FXR2: variants seen among roughly 807,000 people sequenced by gnomAD.
FXR2 encodes FMR1 autosomal homolog 2.
In FXR2, 9 loss-of-function variants were observed where a neutral mutation model predicts 87.3. The observed-to-expected ratio is 0.10, with a 90% CI of 0.06 to 0.18. The LOEUF is 0.18. FXR2 is among the 10% of genes least tolerant of loss of function. FXR2 has a pLI of 1.00. For synonymous variants in FXR2, 331 were observed against 328.3 expected, an observed-to-expected ratio of 1.01 and a Z score of -0.09; for missense variants, 661 against 893.6, an observed-to-expected ratio of 0.74 and a Z score of 3.32.
intron 1 of FXR2, among the ~76,000 whole-genome samples, chr17:7,609,995 T>C (rs140532215): frequency 0.096 from 11,901 of 124,104 alleles, 894 homozygotes; most frequent in Non-Finnish European, 0.12. Context: ...TATATACATG[T>C]ATATGTATAC....
chr17:7,596,099 G>C, intron 7 of FXR2, 105 bp from the exon 8 acceptor site: 2 of 888,162 alleles, frequency 2.3e-6, no homozygotes, highest in Middle Eastern at 2.9e-4. Flanking sequence ...GATATTAATA[G>C]AAAGCTAGAA....
chr17:7,614,237 G>C (rs1190113826), intron 1 of FXR2: 1 of 687,424 alleles, frequency 1.5e-6, no homozygotes, highest in Non-Finnish European at 2.7e-6. Context: ...GGAGATGGGG[G>C]TAGAAGCAGG....
At chr17:7,602,429 G>A (rs1009275609) in intron 6 of FXR2, among the ~76,000 whole-genome samples, 26 of 152,116 alleles carry the variant, frequency 1.7e-4, no homozygotes, top group African/African-American at 5.6e-4. Flanking sequence ...TTAGCCAGGC[G>A]CAATGGCAGG....
intron 1 of FXR2, among the ~76,000 whole-genome samples, chr17:7,608,418 C>T: frequency 6.7e-6 from 1 of 148,944 alleles, no homozygotes; most frequent in Non-Finnish European, 1.5e-5. Flanking sequence ...ATGGCAAAAT[C>T]CCATTGCTAC....
chr17:7,599,104 T>C (rs2071731478), intron 7 of FXR2, among the ~76,000 whole-genome samples: 2 of 149,694 alleles, frequency 1.3e-5, no homozygotes, highest in African/African-American at 4.9e-5. Context: ...GCCATTGCAC[T>C]CCAGCCTGGG....
intron 7 of FXR2, among the ~76,000 whole-genome samples, chr17:7,597,483 C>CT (rs56705018): frequency 0.17 from 24,087 of 145,626 alleles, 2,006 homozygotes; most frequent in Non-Finnish European, 0.19. Flanking sequence ...GCTGGGTTTT[C>CT]TTTTTTTTTT....
chr17:7,592,427 A>AC lies in FXR2; in HGVS notation c.1826-74dup. 6.4e-7 allele frequency: 1 copy of AC among 1,552,850 alleles called. No homozygotes were observed. The highest frequency in any genetic ancestry group is 8.9e-7 in the Non-Finnish European group (1 of 1,124,322). The stretch of plus-strand genomic sequence containing the variant: ...AGCCTAAGACACCCACTGAACCCGA[A>AC]CCCCTGATTTTCACAGGGGTGAGCA... On this transcript the variant is annotated intron_variant, in intron 15 of 16. Coordinates refer to ENST00000250113, the MANE Select transcript of FXR2 (RefSeq NM_004860.4). This position sits in a 1 kb window ranked among gnomAD's most constrained non-coding sequence, Gnocchi z 4.8.
intron 1 of FXR2, among the ~76,000 whole-genome samples, chr17:7,611,460 G>T (rs2071863986): frequency 6.6e-6 from 1 of 152,240 alleles, no homozygotes; most frequent in Middle Eastern, 3.4e-3. Flanking sequence ...TTGAAGTCAG[G>T]AGTCAGAAAC....
chr17:7,597,694 C>T (rs2071719221), intron 7 of FXR2, among the ~76,000 whole-genome samples: 1 of 152,212 alleles, frequency 6.6e-6, no homozygotes, highest in Non-Finnish European at 1.5e-5. Flanking sequence ...CAGGCGTGAG[C>T]CGCTGCACCC....
chr17:7,608,863 G>C lies in FXR2; in HGVS notation c.82-2714C>G, dbSNP rs140745445. Among the ~76,000 whole-genome samples, 11 of 152,298 alleles carry C rather than the reference G, an allele frequency of 7.2e-5. No individual in the cohort carries two copies. In the East Asian group the frequency reaches 2.1e-3, roughly 29 times the overall value. On this transcript the variant is annotated intron_variant, in intron 1 of 16. Transcript: ENST00000250113. ...GGCACACTTTAAATATGTCTACTTTGTTGTATGTCAATTTCAGCTCAATAA... is the reference window on the plus strand; with the variant it reads ...GGCACACTTTAAATATGTCTACTTTCTTGTATGTCAATTTCAGCTCAATAA...
At position 7,592,039 on chromosome 17, in the gene FXR2, G is replaced by C; in HGVS notation, c.1927-114C>G. On this transcript the variant is annotated intron_variant, in intron 16 of 16. Transcript: ENST00000250113. This position sits in a 1 kb window ranked among gnomAD's most constrained non-coding sequence, Gnocchi z 4.8. ...CTGGCATTTGGTGATCCAGAGGTTG[G>C]TTCCCTGATCTCATGATCCAGTCTC... The C allele has an allele frequency of 7.6e-7, 1 of 1,312,844 alleles. No homozygotes were observed. The highest frequency in any genetic ancestry group is 1.0e-6 in the Non-Finnish European group (1 of 969,102). 81.3% of individuals were successfully genotyped at this position (1,312,844 alleles called of 1,614,324 possible).
chr17:7,593,450 C>A lies in FXR2; in HGVS notation c.1283G>T (p.Ser428Ile). The A allele has an allele frequency of 6.3e-7, 1 of 1,589,512 alleles. No homozygotes were observed. The highest frequency in any genetic ancestry group is 8.6e-7 in the Non-Finnish European group (1 of 1,168,782). The change falls in exon 12 of 17, where the codon AGC becomes ATC. Residue 428 changes from serine to isoleucine, a missense_variant. Transcript: ENST00000250113. The surrounding 1 kb of genome is among the most constrained non-coding windows in gnomAD (Gnocchi z 6.1). ...SLHATRTYGG[S>I]YGGRGRGRRT... Reference sequence around the variant, plus strand: ...CCGGCCACGGCCACGGCCCCCATAGCTGCCCCCATAGGTTCGAGTCGCATG... The same window carrying A: ...CCGGCCACGGCCACGGCCCCCATAGATGCCCCCATAGGTTCGAGTCGCATG...
At chr17:7,611,085 T>A (rs765047151) in intron 1 of FXR2, among the ~76,000 whole-genome samples, 7 of 152,102 alleles carry the variant, frequency 4.6e-5, no homozygotes, top group Non-Finnish European at 8.8e-5. Context: ...CAGATGAGGT[T>A]TGGAGTAGGA....
At chr17:7,613,781 T>C (rs769666112) in intron 1 of FXR2, among the ~76,000 whole-genome samples, 1 of 152,058 alleles carries the variant, frequency 6.6e-6, no homozygotes, top group Non-Finnish European at 1.5e-5. Flanking sequence ...GGTAGAGCAG[T>C]GGGTCTTGAG....
In FXR2 at chr17:7,595,235, T is replaced by C. The variant is rs2071698301; in HGVS notation, c.832-478A>G. On this transcript the variant is annotated intron_variant, in intron 8 of 16. Coordinates refer to ENST00000250113, the MANE Select transcript of FXR2 (RefSeq NM_004860.4). This position sits in a 1 kb window ranked among gnomAD's most constrained non-coding sequence, Gnocchi z 4.7. ...CGGAGGCTAAGAAGGGAGGATTGCT[T>C]GAGGCTAGGAGTTAACAACCAGCTT... Among the ~76,000 whole-genome samples, 1 of 152,096 alleles carries C rather than the reference T, an allele frequency of 6.6e-6. No individual in the cohort carries two copies. Among genetic ancestry groups the C allele is most frequent in the Non-Finnish European group, 1.5e-5 (1 of 68,028 alleles).
At position 7,614,663 on chromosome 17, in the gene FXR2, G is replaced by C; in HGVS notation, c.-131C>G. ...AGCCGCGGGGGGCGGGAGCCGGGCC[G>C]GCCCCACGGCGGCCCTGCCACAGCC... On this transcript the variant is annotated 5_prime_UTR_variant, in exon 1 of 17. Transcript: ENST00000250113. 2.4e-6 allele frequency: 1 copy of C among 417,162 alleles called. No homozygotes were observed. Among genetic ancestry groups the C allele is most frequent in the Non-Finnish European group, 3.9e-6 (1 of 256,340 alleles). 25.8% of individuals were successfully genotyped at this position (417,162 alleles called of 1,614,324 possible). A position where few individuals can be genotyped will look rare whatever the true frequency, so the allele number is the denominator to read the frequency against.
chr17:7,593,488 G>C lies in FXR2; in HGVS notation c.1245C>G (p.Ser415=). ...TTCGAGTCGCATGGAGGGAGGAGGA[G>C]GAGCTCTCATCAGTGCTATATCCAG... is the stretch of plus-strand genomic sequence containing the variant. ...DKAGYSTDES[S]SSSLHATRTY... Residue 415 remains serine, a synonymous_variant, in exon 12 of 17, where the codon TCC becomes TCG. Transcript: ENST00000250113. This position sits in a 1 kb window ranked among gnomAD's most constrained non-coding sequence, Gnocchi z 6.1. 6.3e-7 allele frequency: 1 copy of C among 1,588,438 alleles called. No individual in the cohort carries two copies. The highest frequency in any genetic ancestry group is 8.6e-7 in the Non-Finnish European group (1 of 1,168,866).
Position 7,608,741 on chromosome 17 carries a change from T to C in FXR2, c.82-2592A>G, listed in dbSNP as rs76473961. ...CAATTTAATGTATAATGACAGAAGA[T>C]TGGTAGTTGATGGAGGACTTTTGGG... On this transcript the variant is annotated intron_variant, in intron 1 of 16. Coordinates refer to ENST00000250113, the MANE Select transcript of FXR2 (RefSeq NM_004860.4). Among the ~76,000 whole-genome samples the C allele has an allele frequency of 7.5e-3, 1,139 of 152,228 alleles. 8 individuals are homozygous for C. The highest frequency in any genetic ancestry group is 0.031 in the Middle Eastern group (9 of 294).
At chr17:7,601,626 G>A (rs919868783) in intron 6 of FXR2, 101 bp from the exon 7 acceptor site, 25 of 760,048 alleles carry the variant, frequency 3.3e-5, no homozygotes, top group Middle Eastern at 3.8e-4. Context: ...CCGGGAAAAG[G>A]GTTAAGAAAT....
Sources: gnomAD v4.1 joint callset for allele counts (sites outside exome capture counted in the v4.1 genomes callset) on GRCh38, gnomAD v4.1.1 for gene constraint, Gnocchi (gnomAD v3.1) non-coding constraint, MANE v1.5 for transcripts, NCBI Gene and HGNC (gene_info 2026-07-23, HGNC 2026-07-21) for gene names.